Variants in EBF1 observed in about 807,000 individuals in gnomAD.
EBF1 encodes the protein EBF transcription factor 1.
A neutral mutation model predicts 68.4 loss-of-function variants in EBF1; 10 were observed. The ratio of observed to expected loss-of-function variants is 0.15; its 90% CI spans 0.09 to 0.25. The LOEUF is 0.25. Among genes scored for constraint, EBF1 ranks in the 10% least tolerant of loss-of-function variants. The probability of loss-of-function intolerance (pLI) is 1.00; values close to 1 mark genes in which losing one functional copy is unlikely to be tolerated. For synonymous variants in EBF1, 298 were observed against 299.8 expected, an observed-to-expected ratio of 0.99 and a Z score of 0.06; for missense variants, 509 against 794.4, an observed-to-expected ratio of 0.64 and a Z score of 4.32.
At chr5:158,867,683 C>T (rs967079438) in intron 6 of EBF1, among the ~76,000 whole-genome samples, 1 of 152,176 alleles carries the variant, frequency 6.6e-6, no homozygotes, top group Non-Finnish European at 1.5e-5. Flanking sequence ...AAGAAAACAC[C>T]TCTCCATTTA....
chr5:159,081,452 A>G (rs1779725778), intron 5 of EBF1, among the ~76,000 whole-genome samples: 1 of 152,246 alleles, frequency 6.6e-6, no homozygotes, highest in Non-Finnish European at 1.5e-5. Flanking sequence ...AGTTTCAGGC[A>G]TCCACTGTGG....
chr5:159,054,638 A>T (rs1272791013), intron 6 of EBF1, among the ~76,000 whole-genome samples: 1 of 152,252 alleles, frequency 6.6e-6, no homozygotes, highest in East Asian at 1.9e-4. Flanking sequence ...TATTTGCCTT[A>T]AAAGGAATTA....
intron 7 of EBF1, among the ~76,000 whole-genome samples, chr5:158,833,799 C>T (rs772841454): frequency 5.3e-5 from 8 of 152,206 alleles, no homozygotes; most frequent in East Asian, 1.9e-4. Flanking sequence ...GTGAGCCATT[C>T]GATATTATAT....
At chr5:158,935,824 C>A (rs944779901) in intron 6 of EBF1, among the ~76,000 whole-genome samples, 1 of 152,090 alleles carries the variant, frequency 6.6e-6, no homozygotes, top group African/African-American at 2.4e-5. Context: ...GGGTATATGC[C>A]AGAAAAAGCC....
intron 4 of EBF1, among the ~76,000 whole-genome samples, chr5:159,085,835 C>A (rs1311409388): frequency 2.0e-5 from 3 of 152,040 alleles, no homozygotes. Flanking sequence ...GTAGTTGACT[C>A]TAACGTGCTT....
At chr5:158,745,885 C>G (rs991702391) in intron 10 of EBF1, among the ~76,000 whole-genome samples, 1 of 152,158 alleles carries the variant, frequency 6.6e-6, no homozygotes, top group Non-Finnish European at 1.5e-5. Context: ...GGCTCTGATT[C>G]TTTCTTTCAC....
chr5:158,709,035 T>C (rs1758546649), intron 14 of EBF1, among the ~76,000 whole-genome samples: 1 of 152,174 alleles, frequency 6.6e-6, no homozygotes, highest in East Asian at 1.9e-4. Context: ...CTACCGACCA[T>C]GATCCTCTTG....
intron 6 of EBF1, among the ~76,000 whole-genome samples, chr5:158,868,951 G>A (rs1450657646): frequency 6.6e-6 from 1 of 152,150 alleles, no homozygotes; most frequent in Non-Finnish European, 1.5e-5. Flanking sequence ...GAGGTTTCAT[G>A]TTCTCTTGAC....
Position 159,006,565 on chromosome 5 carries a change from G to A in EBF1, c.554+66831C>T, listed in dbSNP as rs148904436. 3.9e-3 allele frequency among the ~76,000 whole-genome samples: 550 copies of A among 140,312 alleles called. 4 individuals carry two copies. Among genetic ancestry groups the A allele is most frequent in the African/African-American group, 0.013 (491 of 37,558 alleles). 92.1% of individuals were successfully genotyped at this position (140,312 alleles called of 152,430 possible). A position where few individuals can be genotyped will look rare whatever the true frequency, so the allele number is the denominator to read the frequency against. ...AAATCACAAAGCAACGTGGGAATCC[G>A]TTTCAGGTAATCCCATCTTTGACAC... On this transcript the variant is annotated intron_variant, in intron 6 of 15. Transcript: ENST00000313708.
chr5:158,720,227 C>A (rs1028319023), intron 11 of EBF1, among the ~76,000 whole-genome samples: 29 of 152,078 alleles, frequency 1.9e-4, no homozygotes, highest in South Asian at 6.2e-4. Context: ...CATTCAGCTC[C>A]TAGACTTTAA....
At chr5:159,099,251 C>G (rs1311456642) in intron 1 of EBF1, 94 bp downstream of exon 1, 4 of 1,055,512 alleles carry the variant, frequency 3.8e-6, no homozygotes, top group Non-Finnish European at 4.7e-6. Flanking sequence ...GCCGCCCGGC[C>G]CCGCGGCAGC....
chr5:159,087,327 T>C (rs866375653), intron 4 of EBF1, among the ~76,000 whole-genome samples: 1 of 138,702 alleles, frequency 7.2e-6, no homozygotes, highest in African/African-American at 2.9e-5. Flanking sequence ...TATATACACA[T>C]ATATATATAC....
At chr5:158,906,276 G>A (rs1270174295) in intron 6 of EBF1, among the ~76,000 whole-genome samples, 1 of 140,244 alleles carries the variant, frequency 7.1e-6, no homozygotes, top group Non-Finnish European at 1.5e-5. Flanking sequence ...GAAGTAGGCT[G>A]CCTGTCTTTC....
rs1046508895 is a variant in EBF1 at position 158,713,115 on chromosome 5, G to A, written c.1224C>T (p.Ala408=). The A allele has an allele frequency of 2.9e-5, 45 of 1,540,956 alleles. No homozygotes were observed. Among genetic ancestry groups the A allele is most frequent in the Non-Finnish European group, 3.7e-5 (42 of 1,140,392 alleles). The change falls in exon 13 of 16, where the codon GCC becomes GCT. Residue 408 remains alanine (A), a synonymous_variant. Transcript: ENST00000313708. ...TGCGGGGAACACTGTACAGGGCCTCGGCAATGTCGGCCGCTCTCTTCAGAA... is the reference window on the plus strand; with the variant it reads ...TGCGGGGAACACTGTACAGGGCCTCAGCAATGTCGGCCGCTCTCTTCAGAA... The part of the protein sequence containing the change: ...EIILKRAADI[A]EALYSVPRNH...
chr5:159,006,410 T>C (rs1763554041), intron 6 of EBF1, among the ~76,000 whole-genome samples: 1 of 151,876 alleles, frequency 6.6e-6, no homozygotes, highest in Admixed American at 6.6e-5. Flanking sequence ...AATTTTACAA[T>C]AGGTTAACTC....
chr5:159,035,723 T>C (rs1409723300), intron 6 of EBF1, among the ~76,000 whole-genome samples: 3 of 152,228 alleles, frequency 2.0e-5, no homozygotes, highest in Admixed American at 6.5e-5. Flanking sequence ...TTATTTTATA[T>C]GGGTAGGCAA....
chr5:158,873,639 A>C (rs1379463308), intron 6 of EBF1, among the ~76,000 whole-genome samples: 1 of 152,244 alleles, frequency 6.6e-6, no homozygotes, highest in Non-Finnish European at 1.5e-5. Flanking sequence ...AAAATTTACT[A>C]AATTTTGGCT....
intron 8 of EBF1, among the ~76,000 whole-genome samples, chr5:158,815,237 A>G (rs1783481489): frequency 6.6e-6 from 1 of 151,830 alleles, no homozygotes; most frequent in Non-Finnish European, 1.5e-5. Context: ...TACTTATAGC[A>G]CTCTGTGCCT....
At chr5:159,033,007 C>T (rs535586153) in intron 6 of EBF1, among the ~76,000 whole-genome samples, 12 of 151,936 alleles carry the variant, frequency 7.9e-5, no homozygotes, top group African/African-American at 2.2e-4. Flanking sequence ...CCCACATCCG[C>T]CCCCACCCCC....
Sources: gnomAD v4.1 joint callset for allele counts (sites outside exome capture counted in the v4.1 genomes callset) on GRCh38, gnomAD v4.1.1 for gene constraint, MANE v1.5 for transcripts, NCBI Gene and HGNC (gene_info 2026-07-23, HGNC 2026-07-21) for gene names.